Variants in ROBO2 observed in about 807,000 individuals in gnomAD.
ROBO2 encodes roundabout homolog 2.
In ROBO2, 53 loss-of-function variants were observed where a neutral mutation model predicts 160.8. The observed-to-expected ratio is 0.33, with a 90% confidence interval of 0.26 to 0.41. ROBO2 has a LOEUF of 0.41. Ranked by LOEUF, ROBO2 falls within the 10% of genes least tolerant of loss-of-function variation. The pLI is 1.00. For missense variants in ROBO2, 1,577 were observed against 1,722.4 expected, an observed-to-expected ratio of 0.92 and a Z score of 1.49; for synonymous variants, 664 against 611.7, an observed-to-expected ratio of 1.09 and a Z score of -1.26.
chr3:76,034,231 T>A (rs2067026015), intron 2 of ROBO2, among the ~76,000 whole-genome samples: 1 of 152,202 alleles, frequency 6.6e-6, no homozygotes, highest in Admixed American at 6.5e-5. Context: ...TTTTAAGTTT[T>A]TCTCTAAATT....
chr3:76,401,243 A>C (rs1559886790), intron 2 of ROBO2, among the ~76,000 whole-genome samples: 1 of 151,496 alleles, frequency 6.6e-6, no homozygotes, highest in Admixed American at 6.6e-5. Flanking sequence ...TTTTTGAAAC[A>C]CCAAGATTTG....
At chr3:76,721,961 T>C (rs1265416764) in intron 2 of ROBO2, among the ~76,000 whole-genome samples, 2 of 152,218 alleles carry the variant, frequency 1.3e-5, no homozygotes, top group Admixed American at 1.3e-4. Flanking sequence ...GTCATTCTGC[T>C]GTCTGCCATG....
chr3:76,048,562 AT>A (rs1212064874), intron 2 of ROBO2, among the ~76,000 whole-genome samples: 1 of 152,198 alleles, frequency 6.6e-6, no homozygotes, highest in African/African-American at 2.4e-5. Flanking sequence ...ATACATGGGA[AT>A]ATTGCAGCCC....
intron 2 of ROBO2, among the ~76,000 whole-genome samples, chr3:75,950,362 T>G (rs1948488059): frequency 6.6e-6 from 1 of 152,106 alleles, no homozygotes; most frequent in South Asian, 2.1e-4. Context: ...TCACCTTTGT[T>G]AAGGAACTGA....
At chr3:76,856,986 G>A (rs535231571) in intron 2 of ROBO2, among the ~76,000 whole-genome samples, 220 of 152,124 alleles carry the variant, frequency 1.4e-3, no homozygotes, top group Middle Eastern at 3.4e-3. Context: ...ACACGAATGC[G>A]TGCTTTTTTT....
chr3:76,456,039 A>C (rs1577323167), intron 2 of ROBO2, among the ~76,000 whole-genome samples: 1 of 152,178 alleles, frequency 6.6e-6, no homozygotes, highest in Non-Finnish European at 1.5e-5. Flanking sequence ...TCTCATTAGC[A>C]TGTTTAGACT....
At chr3:76,357,851 C>G (rs1047399045) in intron 2 of ROBO2, among the ~76,000 whole-genome samples, 32 of 150,208 alleles carry the variant, frequency 2.1e-4, no homozygotes, top group African/African-American at 7.6e-4. Flanking sequence ...TTAGAAACAT[C>G]AAACCAAATC....
chr3:77,449,040 A>C (rs2080862586), intron 2 of ROBO2, among the ~76,000 whole-genome samples: 1 of 152,190 alleles, frequency 6.6e-6, no homozygotes, highest in Non-Finnish European at 1.5e-5. Flanking sequence ...AACTACTTTG[A>C]AAAGAAAGGT....
chr3:76,309,654 T>G (rs1303528256), intron 2 of ROBO2, among the ~76,000 whole-genome samples: 2 of 152,146 alleles, frequency 1.3e-5, no homozygotes, highest in Non-Finnish European at 2.9e-5. Flanking sequence ...ATATAGAAAT[T>G]GATTACTTTA....
chr3:77,539,910 G>C (rs1171407823), intron 6 of ROBO2, among the ~76,000 whole-genome samples: 1 of 152,152 alleles, frequency 6.6e-6, no homozygotes, highest in African/African-American at 2.4e-5. Context: ...ATTGATATCG[G>C]GGTGGGTTAA....
At chr3:76,498,543 A>C (rs2107611796) in intron 2 of ROBO2, among the ~76,000 whole-genome samples, 1 of 151,832 alleles carries the variant, frequency 6.6e-6, no homozygotes, top group African/African-American at 2.4e-5. Flanking sequence ...TATATTTCTA[A>C]ATATTCTGTT....
At chr3:77,198,602 A>G (rs2082523807) in intron 2 of ROBO2, among the ~76,000 whole-genome samples, 1 of 152,160 alleles carries the variant, frequency 6.6e-6, no homozygotes, top group South Asian at 2.1e-4. Context: ...TATTTCTTAG[A>G]AAGACATTTT....
chr3:75,941,525 T>C (rs971350733), intron 2 of ROBO2, among the ~76,000 whole-genome samples: 2 of 152,164 alleles, frequency 1.3e-5, no homozygotes, highest in African/African-American at 4.8e-5. Context: ...CCACGATGAA[T>C]TTACATGCTT....
intron 2 of ROBO2, among the ~76,000 whole-genome samples, chr3:76,473,903 G>A (rs958565846): frequency 7.9e-5 from 12 of 152,266 alleles, no homozygotes; most frequent in African/African-American, 2.9e-4. Context: ...TGTTTTTGGA[G>A]TAGATGTCTT....
chr3:76,532,097 T>C (rs1473108779), intron 2 of ROBO2, among the ~76,000 whole-genome samples: 1 of 152,184 alleles, frequency 6.6e-6, no homozygotes, highest in Non-Finnish European at 1.5e-5. Flanking sequence ...TCAGGACATA[T>C]CTTTGTCTAC....
intron 2 of ROBO2, among the ~76,000 whole-genome samples, chr3:76,983,681 T>G (rs72902031): frequency 0.031 from 4,673 of 152,316 alleles, 109 homozygotes; most frequent in African/African-American, 0.067. Context: ...ACAAAGTACC[T>G]ATTATATGAT....
intron 2 of ROBO2, among the ~76,000 whole-genome samples, chr3:77,267,791 G>A (rs918475431): frequency 2.4e-4 from 37 of 152,184 alleles, no homozygotes; most frequent in African/African-American, 7.5e-4. Context: ...CCCTAGGGGC[G>A]TCATTTGCCT....
chr3:77,258,274 G>C (rs574066053), intron 2 of ROBO2, among the ~76,000 whole-genome samples: 1 of 152,316 alleles, frequency 6.6e-6, no homozygotes, highest in Admixed American at 6.5e-5. Context: ...CAAGATTACT[G>C]CTGGCTTAAG....
intron 2 of ROBO2, among the ~76,000 whole-genome samples, chr3:77,013,744 G>A (rs2062056382): frequency 6.6e-6 from 1 of 152,194 alleles, no homozygotes. Flanking sequence ...AAACTATTGT[G>A]ATTGAGGAGG....
Sources: allele counts gnomAD v4.1 joint callset (sites outside exome capture counted in the v4.1 genomes callset), GRCh38; gene constraint gnomAD v4.1.1; transcripts MANE v1.5; gene names NCBI Gene and HGNC (gene_info 2026-07-23, HGNC 2026-07-21).